APBA2: variants seen among roughly 807,000 people sequenced by gnomAD.
The protein encoded by APBA2 is amyloid-beta A4 precursor protein-binding family A member 2.
APBA2 carries 30 observed loss-of-function variants against 75.0 expected under a neutral mutation model. The ratio of observed to expected loss-of-function variants is 0.40; its 90% CI spans 0.30 to 0.54. APBA2 has a LOEUF of 0.54. Among genes scored for constraint, APBA2 ranks in the 20% least tolerant of loss-of-function variants. The pLI is 0.49. For synonymous variants in APBA2, 444 were observed against 409.6 expected, an observed-to-expected ratio of 1.08 and a Z score of -1.01; for missense variants, 801 against 1,016.1, an observed-to-expected ratio of 0.79 and a Z score of 2.88.
At chr15:29,109,836 A>G (rs572052502) in intron 13 of APBA2, among the ~76,000 whole-genome samples, 53 of 152,344 alleles carry the variant, frequency 3.5e-4, no homozygotes, top group African/African-American at 7.0e-4. Flanking sequence ...AAGTACCCCA[A>G]GCTATCCAAG....
chr15:28,955,255 C>T (rs532873819), intron 2 of APBA2, among the ~76,000 whole-genome samples: 21 of 152,184 alleles, frequency 1.4e-4, no homozygotes, highest in East Asian at 3.9e-4. Context: ...GTGTGGTCTT[C>T]GGTTTCATTG....
chr15:29,034,434 AC>A (rs2040642966), intron 3 of APBA2, among the ~76,000 whole-genome samples: 1 of 152,218 alleles, frequency 6.6e-6, no homozygotes, highest in Non-Finnish European at 1.5e-5. Context: ...CCTCCAAGGT[AC>A]CAGAAGGCCA....
At chr15:29,037,403 G>T (rs532539140) in intron 3 of APBA2, among the ~76,000 whole-genome samples, 238 of 152,292 alleles carry the variant, frequency 1.6e-3, no homozygotes, top group African/African-American at 5.6e-3. Context: ...ACAGCCTGGG[G>T]TGAGTTACCA....
At chr15:28,989,865 T>G (rs1330640895) in intron 2 of APBA2, among the ~76,000 whole-genome samples, 1 of 152,196 alleles carries the variant, frequency 6.6e-6, no homozygotes, top group Non-Finnish European at 1.5e-5. Flanking sequence ...GGGTCCATCC[T>G]GGGACGTGGG....
chr15:29,003,212 C>T (rs548290024), intron 3 of APBA2, among the ~76,000 whole-genome samples: 4 of 152,196 alleles, frequency 2.6e-5, no homozygotes, highest in African/African-American at 9.6e-5. Flanking sequence ...GAGGCCCGTG[C>T]ACCAGAGGCT....
chr15:29,107,680 C>A (rs1191152122), intron 12 of APBA2, among the ~76,000 whole-genome samples: 1 of 152,124 alleles, frequency 6.6e-6, no homozygotes, highest in African/African-American at 2.4e-5. Context: ...TGAGGCCCCC[C>A]CTCCCAGGGC....
chr15:29,088,067 C>A (rs540227431), intron 6 of APBA2, among the ~76,000 whole-genome samples: 37 of 152,204 alleles, frequency 2.4e-4, no homozygotes, highest in African/African-American at 7.5e-4. Context: ...TCTCAGCCCC[C>A]TCTCTGGCTC....
intron 3 of APBA2, among the ~76,000 whole-genome samples, chr15:29,039,795 A>G (rs1375572659): frequency 2.6e-5 from 4 of 152,330 alleles, no homozygotes; most frequent in East Asian, 1.9e-4. Context: ...AAAGAGATCC[A>G]TGGATGACAT....
At chr15:28,936,066 T>C (rs886700306) in intron 2 of APBA2, among the ~76,000 whole-genome samples, 9 of 152,200 alleles carry the variant, frequency 5.9e-5, no homozygotes, top group African/African-American at 2.2e-4. Flanking sequence ...AATTTTTCTT[T>C]CTCCTGAGAG....
intron 4 of APBA2, among the ~76,000 whole-genome samples, chr15:29,062,045 T>A (rs914689459): frequency 3.3e-5 from 5 of 151,296 alleles, no homozygotes; most frequent in Non-Finnish European, 7.4e-5. Context: ...CACAGTAGGA[T>A]GGAACTTGGG....
Position 29,054,087 on chromosome 15 carries a change from C to T in APBA2, c.203C>T (p.Pro68Leu), listed in dbSNP as rs768491624. ...PEEQECHNHS[P>L]DGDSSSDYVN... ...GAACAGGAGTGCCACAACCACAGCC[C>T]CGATGGGGACTCCAGCTCTGACTAC... Residue 68 changes from proline to leucine, a missense_variant, in exon 4 of 15, where the codon CCC becomes CTC. By Grantham distance (98) the Pro-to-Leu change is moderately conservative (BLOSUM62 -3). Around this residue, in one of 2 missense-constraint regions of APBA2, gnomAD observed 434 missense variants for 471.6 expected, o/e 0.92. Coordinates refer to ENST00000683413, the MANE Select transcript of APBA2 (RefSeq NM_001353788.2). The surrounding 1 kb of genome is among the most constrained non-coding windows in gnomAD (Gnocchi z 6.1). 4 of 1,614,046 alleles carry T rather than the reference C, an allele frequency of 2.5e-6. No homozygotes were observed. Among genetic ancestry groups the T allele is most frequent in the East Asian group, 2.2e-5 (1 of 44,846 alleles).
chr15:28,940,714 A>G (rs2035170527), intron 2 of APBA2, among the ~76,000 whole-genome samples: 1 of 152,172 alleles, frequency 6.6e-6, no homozygotes, highest in South Asian at 2.1e-4. Flanking sequence ...CATGTCTTGA[A>G]ATTCAGTTTT....
chr15:28,962,948 T>A (rs761931893), intron 2 of APBA2, among the ~76,000 whole-genome samples: 1 of 152,148 alleles, frequency 6.6e-6, no homozygotes, highest in African/African-American at 2.4e-5. Context: ...CACTCACCAT[T>A]ATACCACCTG....
chr15:28,940,549 T>A, intron 2 of APBA2, among the ~76,000 whole-genome samples: 1 of 131,054 alleles, frequency 7.6e-6, no homozygotes, highest in Non-Finnish European at 1.5e-5. Context: ...CGAGACTCTG[T>A]ATCAAAAAAA....
At chr15:28,927,518 A>C (rs1214710948) in intron 2 of APBA2, among the ~76,000 whole-genome samples, 1 of 151,570 alleles carries the variant, frequency 6.6e-6, no homozygotes, top group South Asian at 2.1e-4. Context: ...TACACGTGTA[A>C]CATCTTTGAT....
chr15:28,955,484 A>G (rs1000662281), intron 2 of APBA2, among the ~76,000 whole-genome samples: 2 of 152,136 alleles, frequency 1.3e-5, no homozygotes, highest in African/African-American at 4.8e-5. Flanking sequence ...ATCAATTTTA[A>G]TGATTGTACC....
At chr15:28,950,364 C>T (rs2035791188) in intron 2 of APBA2, among the ~76,000 whole-genome samples, 1 of 151,998 alleles carries the variant, frequency 6.6e-6, no homozygotes, top group Non-Finnish European at 1.5e-5. Context: ...TGCGGTGGCT[C>T]ATGCCTGTAA....
At chr15:28,981,627 A>G (rs931548384) in intron 2 of APBA2, among the ~76,000 whole-genome samples, 2 of 152,250 alleles carry the variant, frequency 1.3e-5, no homozygotes, top group Admixed American at 6.5e-5. Context: ...AAACAGAACT[A>G]CATTTGACCC....
chr15:28,942,448 T>G (rs906157855), intron 2 of APBA2, among the ~76,000 whole-genome samples: 1 of 150,014 alleles, frequency 6.7e-6, no homozygotes, highest in East Asian at 2.0e-4. Flanking sequence ...AGTTTGATGA[T>G]TCCATGGTCA....
Sources: allele counts gnomAD v4.1 joint callset (sites outside exome capture counted in the v4.1 genomes callset), GRCh38; gene constraint gnomAD v4.1.1; regional missense constraint gnomAD v4.1.1; non-coding constraint Gnocchi (gnomAD v3.1); transcripts MANE v1.5; gene names NCBI Gene and HGNC (gene_info 2026-07-23, HGNC 2026-07-21).